Variants in CYTH3 observed in about 807,000 individuals in gnomAD.
CYTH3 encodes the protein cytohesin 3.
Under a neutral mutation model 55.1 loss-of-function variants are expected in CYTH3, and 23 were observed. The ratio of observed to expected loss-of-function variants is 0.42; its 90% CI spans 0.30 to 0.59. The LOEUF is 0.59. CYTH3 is among the 20% of genes least tolerant of loss of function. CYTH3 has a pLI of 0.20. For missense variants in CYTH3, 413 were observed against 524.8 expected, an observed-to-expected ratio of 0.79 and a Z score of 2.08; for synonymous variants, 249 against 194.9, an observed-to-expected ratio of 1.28 and a Z score of -2.31.
intron 1 of CYTH3, among the ~76,000 whole-genome samples, chr7:6,269,588 A>AGTAAAGAC (rs3030435): frequency 6.6e-6 from 1 of 151,448 alleles, no homozygotes; most frequent in African/African-American, 2.4e-5. Flanking sequence ...CTACCCTCCA[A>AGTAAAGAC]TTAGCTCAAG....
chr7:6,208,571 G>A (rs911846835), intron 1 of CYTH3, among the ~76,000 whole-genome samples: 2 of 152,042 alleles, frequency 1.3e-5, no homozygotes, highest in African/African-American at 4.8e-5. Context: ...GGTGCGGCAG[G>A]ATCTCACTGT....
intron 1 of CYTH3, among the ~76,000 whole-genome samples, chr7:6,229,656 A>AG: frequency 6.6e-6 from 1 of 151,354 alleles, no homozygotes; most frequent in South Asian, 2.1e-4. Context: ...CTGAAAAAAA[A>AG]AAAAAAAAAA....
chr7:6,241,127 A>G (rs1779662541), intron 1 of CYTH3, among the ~76,000 whole-genome samples: 2 of 152,148 alleles, frequency 1.3e-5, no homozygotes, highest in Non-Finnish European at 1.5e-5. Flanking sequence ...TCTCAAAAAA[A>G]AAAAGAAATA....
intron 1 of CYTH3, among the ~76,000 whole-genome samples, chr7:6,268,019 G>C (rs1381101436): frequency 6.6e-6 from 1 of 152,102 alleles, no homozygotes; most frequent in Non-Finnish European, 1.5e-5. Flanking sequence ...CATCCACTCA[G>C]TTCCCATCAT....
intron 1 of CYTH3, among the ~76,000 whole-genome samples, chr7:6,262,207 C>A (rs924550104): frequency 3.9e-5 from 6 of 152,150 alleles, no homozygotes; most frequent in African/African-American, 1.4e-4. Flanking sequence ...GGACACGACA[C>A]AGAGGGCATG....
At chr7:6,249,927 T>C (rs1779917619) in intron 1 of CYTH3, among the ~76,000 whole-genome samples, 1 of 152,238 alleles carries the variant, frequency 6.6e-6, no homozygotes, top group African/African-American at 2.4e-5. Context: ...TATCTCTAAC[T>C]GTAGTCACAG....
chr7:6,257,689 C>T (rs1780163804), intron 1 of CYTH3, among the ~76,000 whole-genome samples: 1 of 152,208 alleles, frequency 6.6e-6, no homozygotes, highest in African/African-American at 2.4e-5. Context: ...TCTTCGCACT[C>T]TATGGCGAGG....
chr7:6,219,880 T>C (rs1026188023), intron 1 of CYTH3, among the ~76,000 whole-genome samples: 2 of 152,038 alleles, frequency 1.3e-5, no homozygotes, highest in Non-Finnish European at 2.9e-5. Context: ...AAAAGACAAA[T>C]TGGAGGAATT....
At chr7:6,216,235 A>G (rs1292641370) in intron 1 of CYTH3, among the ~76,000 whole-genome samples, 1 of 152,206 alleles carries the variant, frequency 6.6e-6, no homozygotes, top group African/African-American at 2.4e-5. Context: ...ATATATATGG[A>G]AGAAATATGT....
chr7:6,220,311 C>T (rs1232415697), intron 1 of CYTH3, among the ~76,000 whole-genome samples: 3 of 151,998 alleles, frequency 2.0e-5, no homozygotes, highest in Non-Finnish European at 4.4e-5. Context: ...TGAAACTTGA[C>T]CTAAACCTCA....
intron 1 of CYTH3, among the ~76,000 whole-genome samples, chr7:6,259,815 T>TATATA (rs1562418118): frequency 3.8e-5 from 1 of 26,110 alleles, no homozygotes; most frequent in Non-Finnish European, 5.2e-5. Context: ...ATATATATAA[T>TATATA]ATATATATAT....
chr7:6,252,802 G>C (rs1464137451), intron 1 of CYTH3, among the ~76,000 whole-genome samples: 1 of 152,172 alleles, frequency 6.6e-6, no homozygotes, highest in Non-Finnish European at 1.5e-5. Flanking sequence ...TGTAAATATA[G>C]TTTGTCTTAC....
chr7:6,252,537 AT>A (rs1007955133), intron 1 of CYTH3, among the ~76,000 whole-genome samples: 9 of 152,092 alleles, frequency 5.9e-5, no homozygotes, highest in South Asian at 2.1e-4. Context: ...GAGGAGTGTC[AT>A]TTTTTTTCCC....
At chr7:6,204,614 G>C (rs542664369) in intron 1 of CYTH3, among the ~76,000 whole-genome samples, 1 of 152,174 alleles carries the variant, frequency 6.6e-6, no homozygotes, top group Non-Finnish European at 1.5e-5. Flanking sequence ...ACCCCATCAC[G>C]GCTGAGGATA....
chr7:6,242,146 G>A (rs933516296), intron 1 of CYTH3, among the ~76,000 whole-genome samples: 1 of 151,842 alleles, frequency 6.6e-6, no homozygotes, highest in East Asian at 1.9e-4. Context: ...GTACAATCTC[G>A]GCTCACTGCA....
chr7:6,192,209 C>T (rs559318996), intron 1 of CYTH3, among the ~76,000 whole-genome samples: 1 of 152,178 alleles, frequency 6.6e-6, no homozygotes, highest in Non-Finnish European at 1.5e-5. Flanking sequence ...GTAACTCCTA[C>T]AAATTATATT....
At chr7:6,198,032 T>G (rs1350821052) in intron 1 of CYTH3, among the ~76,000 whole-genome samples, 1 of 146,610 alleles carries the variant, frequency 6.8e-6, no homozygotes, top group Non-Finnish European at 1.5e-5. Context: ...AGTTTGAGGA[T>G]GCAGCGAGCT....
intron 1 of CYTH3, among the ~76,000 whole-genome samples, chr7:6,229,306 T>C (rs1779326470): frequency 6.6e-6 from 1 of 152,200 alleles, no homozygotes; most frequent in African/African-American, 2.4e-5. Flanking sequence ...AAAAACAGTC[T>C]CTTTAAACTT....
At position 6,165,291 on chromosome 7, in the gene CYTH3, T is replaced by A; in HGVS notation, c.1109A>T (p.Glu370Val). 6.2e-7 allele frequency: 1 copy of A among 1,612,920 alleles called. No individual in the cohort carries two copies. The highest frequency in any genetic ancestry group is 8.5e-7 in the Non-Finnish European group (1 of 1,179,508). ...CACTCACTTGATGGATTTCATCCAC[T>A]CCTCCTTCTCCTCCGGGCTCGGGGC... ...ISAPSPEEKEEWMKSIKASIS... is the reference protein window; with the variant it reads ...ISAPSPEEKEVWMKSIKASIS... Residue 370 changes from glutamate (E) to valine (V), a missense_variant, in exon 12 of 13, where the codon GAG becomes GTG. Glu to Val is a moderately radical substitution (Grantham distance 121). This residue lies in a region of CYTH3 where 98 missense variants were observed against 115.2 expected (regional missense o/e 0.85). Coordinates refer to ENST00000350796, the MANE Select transcript of CYTH3 (RefSeq NM_004227.4).
Sources: allele counts gnomAD v4.1 joint callset (sites outside exome capture counted in the v4.1 genomes callset), GRCh38; gene constraint gnomAD v4.1.1; regional missense constraint gnomAD v4.1.1; transcripts MANE v1.5; gene names NCBI Gene and HGNC (gene_info 2026-07-23, HGNC 2026-07-21).